Variants in ISM1 observed in about 807,000 individuals in gnomAD.
ISM1 encodes the protein isthmin-1.
Under a neutral mutation model 46.3 loss-of-function variants are expected in ISM1, and 25 were observed. That is an observed-to-expected ratio of 0.54 (90% confidence interval 0.39 to 0.75). The LOEUF (loss-of-function observed/expected upper bound fraction) is 0.75. Among genes scored for constraint, ISM1 ranks in the 30% least tolerant of loss-of-function variants. ISM1 has a pLI of 0.00. For synonymous variants in ISM1, 255 were observed against 256.7 expected (o/e 0.99, Z 0.06); for missense variants, 536 against 625.4 (o/e 0.86, Z 1.52).
chr20:13,238,595 A>G (rs2039680674), intron 1 of ISM1, among the ~76,000 whole-genome samples: 1 of 152,224 alleles, frequency 6.6e-6, no homozygotes, highest in Non-Finnish European at 1.5e-5. Context: ...CTAGAAAACA[A>G]CAAAGTTGTT....
At position 13,260,839 on chromosome 20, in the gene ISM1, C is replaced by T. The variant is rs568018447; in HGVS notation, c.139-9665C>T. ...AAACCCGCAAGGATTTATTATTTCT[C>T]ATGACTCTCTGGGTCAGCAGGGTGG... On this transcript the variant is annotated intron_variant, in intron 1 of 5. Transcript: ENST00000262487. Among the ~76,000 whole-genome samples, 8 of 152,270 alleles carry T rather than the reference C, an allele frequency of 5.3e-5. No homozygotes were observed. In the South Asian group the frequency reaches 1.7e-3, roughly 32 times the overall value.
At chr20:13,236,739 C>A (rs2039654428) in intron 1 of ISM1, among the ~76,000 whole-genome samples, 1 of 152,116 alleles carries the variant, frequency 6.6e-6, no homozygotes, top group Non-Finnish European at 1.5e-5. Flanking sequence ...ATTACAGGGC[C>A]CAGGCAAGTC....
chr20:13,246,395 G>GGGTA (rs1299888431), intron 1 of ISM1, among the ~76,000 whole-genome samples: 1 of 152,060 alleles, frequency 6.6e-6, no homozygotes, highest in African/African-American at 2.4e-5. Context: ...GCCTATCTGT[G>GGGTA]GGTACGAAGC....
chr20:13,262,539 T>A (rs1055156968), intron 1 of ISM1, among the ~76,000 whole-genome samples: 21 of 151,996 alleles, frequency 1.4e-4, no homozygotes, highest in African/African-American at 5.1e-4. Flanking sequence ...CTTGAAAGAA[T>A]AATTTATCCT....
chr20:13,311,255 AG>A, the ISM1 span, among the ~76,000 whole-genome samples: 1 of 132,510 alleles, frequency 7.5e-6, no homozygotes, highest in African/African-American at 3.0e-5. Flanking sequence ...ATAGATAGAT[AG>A]ATAGATAGAT....
At chr20:13,271,495 AG>A (rs1249069761) in intron 2 of ISM1, among the ~76,000 whole-genome samples, 1 of 152,226 alleles carries the variant, frequency 6.6e-6, no homozygotes, top group African/African-American at 2.4e-5. Context: ...ACCCTCATGA[AG>A]GAGACAAAGC....
chr20:13,230,203 G>GT (rs2039573534), intron 1 of ISM1, among the ~76,000 whole-genome samples: 4 of 152,276 alleles, frequency 2.6e-5, no homozygotes, highest in Non-Finnish European at 4.4e-5. Flanking sequence ...TCATACAAGT[G>GT]TTTTTTAACA....
At chr20:13,314,992 T>C in the ISM1 span, among the ~76,000 whole-genome samples, 1 of 152,056 alleles carries the variant, frequency 6.6e-6, no homozygotes, top group African/African-American at 2.4e-5. Context: ...TAAATGTACA[T>C]TGCAAAATCT....
At chr20:13,278,085 G>A (rs867608777) in intron 2 of ISM1, among the ~76,000 whole-genome samples, 1 of 152,190 alleles carries the variant, frequency 6.6e-6, no homozygotes, top group Non-Finnish European at 1.5e-5. Flanking sequence ...TGATTACTTG[G>A]AGTGCATGTT....
chr20:13,321,275 A>AAAAAAAAAAAAAAAAAAAT, the ISM1 span, among the ~76,000 whole-genome samples: 1 of 150,636 alleles, frequency 6.6e-6, no homozygotes, highest in Admixed American at 6.6e-5. Flanking sequence ...AAAAAAAAAA[A>AAAAAAAAAAAAAAAAAAAT]AGATTTTATG....
At chr20:13,309,930 G>T in the ISM1 span, among the ~76,000 whole-genome samples, 1 of 151,988 alleles carries the variant, frequency 6.6e-6, no homozygotes, top group African/African-American at 2.4e-5. Context: ...ATCAATGAAA[G>T]AAACTGAATA....
At chr20:13,241,583 T>G (rs1454081286) in intron 1 of ISM1, among the ~76,000 whole-genome samples, 1 of 152,088 alleles carries the variant, frequency 6.6e-6, no homozygotes, top group Non-Finnish European at 1.5e-5. Flanking sequence ...AATAGAGTGA[T>G]GGTAATAAAA....
At chr20:13,291,023 C>G (rs1284791073) in intron 4 of ISM1, among the ~76,000 whole-genome samples, 1 of 152,188 alleles carries the variant, frequency 6.6e-6, no homozygotes, top group Non-Finnish European at 1.5e-5. Flanking sequence ...ACACAGATAG[C>G]ATTTGAAGTC....
chr20:13,273,363 T>C (rs2040138340), intron 2 of ISM1, among the ~76,000 whole-genome samples: 1 of 151,926 alleles, frequency 6.6e-6, no homozygotes, highest in South Asian at 2.1e-4. Context: ...GCCTCCTGAG[T>C]AGCTGGGACT....
chr20:13,288,654 C>T lies in ISM1; in HGVS notation c.758C>T (p.Ser253Leu), dbSNP rs774024040. ...SCGYACTATE[S>L]RTCDRPNCPG... The stretch of plus-strand genomic sequence containing the variant: ...GGCTACGCGTGCACTGCAACAGAAT[C>T]GAGGACCTGTGACCGTCCAAACTGC... Residue 253 changes from serine to leucine, a missense_variant, in exon 4 of 6, where the codon TCG (serine) becomes TTG (leucine). Ser to Leu is a moderately radical substitution (Grantham distance 145). This residue lies in a region of ISM1 where 367 missense variants were observed against 376.1 expected (regional missense o/e 0.98). Transcript: ENST00000262487. The T allele has an allele frequency of 5.6e-6, 9 of 1,613,812 alleles. No homozygotes were observed. The highest frequency in any genetic ancestry group is 1.7e-5 in the Admixed American group (1 of 60,000).
At chr20:13,312,316 T>C in the ISM1 span, among the ~76,000 whole-genome samples, 2 of 152,154 alleles carry the variant, frequency 1.3e-5, no homozygotes, top group Admixed American at 1.3e-4. Flanking sequence ...GTGTGGCCAG[T>C]GTATGTGGCC....
At chr20:13,296,131 G>A (rs138678606) in intron 5 of ISM1, among the ~76,000 whole-genome samples, 3 of 152,158 alleles carry the variant, frequency 2.0e-5, no homozygotes, top group East Asian at 3.9e-4. Flanking sequence ...CTTACCCACC[G>A]CAGCTCACTG....
chr20:13,322,577 G>A, the ISM1 span, among the ~76,000 whole-genome samples: 5 of 152,318 alleles, frequency 3.3e-5, no homozygotes, highest in Non-Finnish European at 5.9e-5. Flanking sequence ...AGAGGAAGAC[G>A]TGCTCTATTT....
chr20:13,310,448 A>G, the ISM1 span, among the ~76,000 whole-genome samples: 1 of 152,036 alleles, frequency 6.6e-6, no homozygotes, highest in Non-Finnish European at 1.5e-5. Context: ...AGACTTAAAT[A>G]TAAGACCTAA....
Sources: gnomAD v4.1 joint callset for allele counts (sites outside exome capture counted in the v4.1 genomes callset) on GRCh38, gnomAD v4.1.1 for gene constraint, gnomAD v4.1.1 regional missense constraint, MANE v1.5 for transcripts, NCBI Gene and HGNC (gene_info 2026-07-23, HGNC 2026-07-21) for gene names.